Variants in MAP3K3 observed in about 807,000 individuals in gnomAD.
MAP3K3 encodes MAP/ERK kinase kinase 3.
A neutral mutation model predicts 80.9 loss-of-function variants in MAP3K3; 12 were observed. That is an observed-to-expected ratio of 0.15 (90% CI 0.10 to 0.24). MAP3K3 has a LOEUF of 0.24. Ranked by LOEUF, MAP3K3 falls within the 10% of genes least tolerant of loss-of-function variation. The pLI is 1.00. For missense variants in MAP3K3, 596 were observed against 834.7 expected (o/e 0.71, Z 3.52); for synonymous variants, 272 against 307.1 (o/e 0.89, Z 1.19).
At position 63,622,721 on chromosome 17, in the gene MAP3K3, C is replaced by G. The variant is rs1175112647; in HGVS notation, c.-39C>G. 2.1e-6 allele frequency: 1 copy of G among 485,948 alleles called. No individual in the cohort carries two copies. The highest frequency in any genetic ancestry group is 2.5e-5 in the Admixed American group (1 of 40,324). The allele number at this position is 485,948 out of a possible 1,614,324, so 30.1% of individuals were successfully genotyped here. A position where few individuals can be genotyped will look rare whatever the true frequency, so the allele number is the denominator to read the frequency against. On this transcript the variant is annotated 5_prime_UTR_variant, in exon 1 of 16. Coordinates refer to ENST00000361733, the MANE Select transcript of MAP3K3 (RefSeq NM_002401.5). ...CATGCAGCCCCGGCTGCGGAGGTGA[C>G]ACTCACGGACCTTAGCCACCGCCGC...
At chr17:63,634,761 C>G (rs2034287609) in intron 2 of MAP3K3, 2 of 1,614,118 alleles carry the variant, frequency 1.2e-6, no homozygotes, top group South Asian at 2.2e-5. Flanking sequence ...ACAGTAACAA[C>G]AAGCTCATGT....
At chr17:63,673,295 A>G (rs2035147365) in intron 6 of MAP3K3, among the ~76,000 whole-genome samples, 1 of 152,190 alleles carries the variant, frequency 6.6e-6, no homozygotes, top group Admixed American at 6.5e-5. Context: ...GAAGCCAGGT[A>G]TCATGTTTAC....
At chr17:63,626,252 C>A (rs1037042607) in intron 1 of MAP3K3, among the ~76,000 whole-genome samples, 1 of 152,126 alleles carries the variant, frequency 6.6e-6, no homozygotes, top group African/African-American at 2.4e-5. Context: ...ATGTGCCAGG[C>A]ATAGTATTAA....
Position 63,691,290 on chromosome 17 carries a change from C to A in MAP3K3, c.1344+57C>A. 1 of 1,609,958 alleles carries A rather than the reference C, an allele frequency of 6.2e-7. No individual in the cohort carries two copies. The highest frequency in any genetic ancestry group is 8.5e-7 in the Non-Finnish European group (1 of 1,177,698). On this transcript the variant is annotated intron_variant, in intron 13 of 15. Transcript: ENST00000361733. This position sits in a 1 kb window ranked among gnomAD's most constrained non-coding sequence, Gnocchi z 4.8. ...CACAAAAGAGGGCCTGACCTGGGGG[C>A]TGGGGCCTGCAGGAGGGGGGTCACC...
chr17:63,638,590 C>G (rs2034379749), intron 2 of MAP3K3, among the ~76,000 whole-genome samples: 1 of 152,200 alleles, frequency 6.6e-6, no homozygotes, highest in East Asian at 1.9e-4. Flanking sequence ...TGTCTCTCTC[C>G]TGAGCGTGGC....
chr17:63,622,773 G>C lies in MAP3K3; in HGVS notation c.4+10G>C. 1.9e-6 allele frequency: 1 copy of C among 526,018 alleles called. No individual in the cohort carries two copies. The highest frequency in any genetic ancestry group is 2.2e-5 in the Admixed American group (1 of 44,710). 32.6% of individuals were successfully genotyped at this position (526,018 alleles called of 1,614,324 possible). ...GCCATCGCCACCATGGGTAAGTGTC[G>C]CCACCGCCCCGGCCTGTGCCCGCGC... On this transcript the variant is annotated intron_variant, in intron 1 of 15. Transcript: ENST00000361733.
chr17:63,655,956 G>A lies in MAP3K3; in HGVS notation c.268-1838G>A, dbSNP rs564304608. ...AAATATGTACTGTTTTTGGCGAGGC[G>A]CGATGGTTCATGCCTGTAATGCCAG... is the stretch of plus-strand genomic sequence containing the variant. On this transcript the variant is annotated intron_variant, in intron 4 of 15. Transcript: ENST00000361733. Among the ~76,000 whole-genome samples the A allele has an allele frequency of 5.9e-5, 9 of 152,188 alleles. No individual in the cohort carries two copies. In the South Asian group the frequency reaches 1.0e-3, roughly 18 times the overall value.
At chr17:63,659,887 G>A (rs935687510) in intron 5 of MAP3K3, among the ~76,000 whole-genome samples, 7 of 151,916 alleles carry the variant, frequency 4.6e-5, no homozygotes, top group Non-Finnish European at 8.8e-5. Context: ...TAAACTAGAG[G>A]TATATAAATT....
At chr17:63,638,062 A>G (rs1414556802) in intron 2 of MAP3K3, among the ~76,000 whole-genome samples, 1 of 152,188 alleles carries the variant, frequency 6.6e-6, no homozygotes, top group Non-Finnish European at 1.5e-5. Context: ...TTCTCTTTCA[A>G]GGGTTGTTGA....
In MAP3K3 at chr17:63,632,720, T is replaced by A. The variant is rs1204202373; in HGVS notation, c.44T>A (p.Val15Glu). The change falls in exon 2 of 16, where the codon GTG becomes GAG. Residue 15 changes from valine to glutamate, a missense_variant. By Grantham distance (121) the Val-to-Glu change is moderately radical. This residue lies in a region of MAP3K3 where 232 missense variants were observed against 245.8 expected (regional missense o/e 0.94). Coordinates refer to ENST00000361733, the MANE Select transcript of MAP3K3 (RefSeq NM_002401.5). ...TTGAACTCAATCATGAACGATCTGG[T>A]GGCCCTCCAGATGAACCGACGTCAC... is the stretch of plus-strand genomic sequence containing the variant. ...EALNSIMNDL[V>E]ALQMNRRHRM... 1 of 1,614,062 alleles carries A rather than the reference T, an allele frequency of 6.2e-7. No homozygotes were observed. The highest frequency in any genetic ancestry group is 1.1e-5 in the South Asian group (1 of 91,084).
At chr17:63,688,477 G>A in intron 8 of MAP3K3, 50 bp from the exon 9 acceptor site, 1 of 1,449,538 alleles carries the variant, frequency 6.9e-7, no homozygotes, top group Non-Finnish European at 9.7e-7. Context: ...GCCCTGCTTG[G>A]TTGCTGTGGA....
chr17:63,662,556 T>C (rs1275660246), intron 5 of MAP3K3, among the ~76,000 whole-genome samples: 1 of 152,032 alleles, frequency 6.6e-6, no homozygotes, highest in East Asian at 1.9e-4. Context: ...GGGTGACTGC[T>C]CAGGTGAGGC....
intron 3 of MAP3K3, among the ~76,000 whole-genome samples, chr17:63,650,610 T>G (rs566163398): frequency 6.6e-6 from 1 of 151,792 alleles, no homozygotes; most frequent in African/African-American, 2.4e-5. Context: ...GCTTGTCTTC[T>G]GTATTTTATG....
chr17:63,645,974 A>C, intron 2 of MAP3K3, 60 bp from the exon 3 acceptor site: 3 of 1,392,548 alleles, frequency 2.2e-6, no homozygotes, highest in East Asian at 2.3e-5. Flanking sequence ...CTTACTTGGC[A>C]ATGGCAGGAG....
chr17:63,683,181 A>C (rs1049371205), intron 7 of MAP3K3, among the ~76,000 whole-genome samples: 1 of 152,242 alleles, frequency 6.6e-6, no homozygotes, highest in East Asian at 1.9e-4. Context: ...TCTTATAAAA[A>C]GCTGATTCTT....
chr17:63,649,457 G>C (rs1568131084), intron 3 of MAP3K3, among the ~76,000 whole-genome samples: 2 of 151,012 alleles, frequency 1.3e-5, no homozygotes, highest in African/African-American at 2.4e-5. Context: ...AAGTAGACAG[G>C]ATCTCTGTTG....
In MAP3K3 at chr17:63,678,262, T is replaced by C. The variant is rs2035260183; in HGVS notation, c.503-3504T>C. Among the ~76,000 whole-genome samples, 3 of 151,980 alleles carry C rather than the reference T, an allele frequency of 2.0e-5. No homozygotes were observed. In the South Asian group the frequency reaches 6.2e-4, roughly 31 times the overall value. On this transcript the variant is annotated intron_variant, in intron 6 of 15. Transcript: ENST00000361733. Reference sequence around the variant, plus strand: ...ACAATATTTTTTTAAGAAAAAAAAATTGCCTTGACTGATTTTATTGCTCTG... The same window carrying C: ...ACAATATTTTTTTAAGAAAAAAAAACTGCCTTGACTGATTTTATTGCTCTG...
At chr17:63,639,522 A>G (rs1568126329) in intron 2 of MAP3K3, among the ~76,000 whole-genome samples, 1 of 152,232 alleles carries the variant, frequency 6.6e-6, no homozygotes, top group Non-Finnish European at 1.5e-5. Context: ...TACCTTATGA[A>G]CAAAGAAGGA....
intron 3 of MAP3K3, among the ~76,000 whole-genome samples, chr17:63,647,540 G>A (rs2034564301): frequency 6.6e-6 from 1 of 152,146 alleles, no homozygotes; most frequent in Admixed American, 6.6e-5. Context: ...CAGAGAAGCT[G>A]CCAGATTGAA....
Sources: gnomAD v4.1 joint callset for allele counts (sites outside exome capture counted in the v4.1 genomes callset) on GRCh38, gnomAD v4.1.1 for gene constraint, gnomAD v4.1.1 regional missense constraint, Gnocchi (gnomAD v3.1) non-coding constraint, MANE v1.5 for transcripts, NCBI Gene and HGNC (gene_info 2026-07-23, HGNC 2026-07-21) for gene names.